ETFA: variants seen among roughly 807,000 people sequenced by gnomAD.
The protein encoded by ETFA is electron transfer flavoprotein subunit alpha, also known as electron transfer flavoprotein subunit alpha, mitochondrial.
In ETFA, 22 loss-of-function variants were observed where a neutral mutation model predicts 46.2. The ratio of observed to expected loss-of-function variants is 0.48; its 90% CI spans 0.34 to 0.68. The LOEUF is 0.68. Among genes scored for constraint, ETFA ranks in the 30% least tolerant of loss-of-function variants. ETFA has a pLI of 0.01. For synonymous variants in ETFA, 131 were observed against 139.9 expected (o/e 0.94, Z 0.45); for missense variants, 345 against 401.1 (o/e 0.86, Z 1.19).
chr15:76,310,902 A>G (rs1344423493), intron 1 of ETFA, among the ~76,000 whole-genome samples: 1 of 116,820 alleles, frequency 8.6e-6, no homozygotes, highest in South Asian at 3.1e-4. Context: ...CGATGCGCCC[A>G]AAGTGTTTAA....
intron 8 of ETFA, 30 bp from the exon 9 acceptor site, chr15:76,274,524 T>G (rs770424095): frequency 1.0e-5 from 16 of 1,555,398 alleles, no homozygotes; most frequent in Non-Finnish European, 1.4e-5. Context: ...GTCATTTTTT[T>G]CAAGCTCTAT....
chr15:76,253,380 G>A (rs2039319400), intron 9 of ETFA, among the ~76,000 whole-genome samples: 2 of 152,062 alleles, frequency 1.3e-5, no homozygotes, highest in Non-Finnish European at 2.9e-5. Flanking sequence ...ATTATTTTGT[G>A]AGGATAACCA....
intron 7 of ETFA, 119 bp downstream of exon 7, chr15:76,285,518 A>C (rs544082939): frequency 2.9e-5 from 20 of 679,732 alleles, no homozygotes; most frequent in Non-Finnish European, 4.7e-5. Flanking sequence ...TAATATCCCA[A>C]ACTTCCCAAC....
intron 9 of ETFA, among the ~76,000 whole-genome samples, chr15:76,246,128 T>C (rs139651498): frequency 1.3e-5 from 2 of 152,382 alleles, no homozygotes; most frequent in African/African-American, 4.8e-5. Context: ...GCACAGTTTT[T>C]AAGTGTTATA....
chr15:76,293,728 C>A (rs1464377128), intron 2 of ETFA, among the ~76,000 whole-genome samples: 2 of 152,194 alleles, frequency 1.3e-5, no homozygotes, highest in African/African-American at 4.8e-5. Context: ...CTTGTGCCAC[C>A]CTCATATGAA....
chr15:76,258,319 T>C (rs901845515), intron 9 of ETFA, among the ~76,000 whole-genome samples: 1 of 152,076 alleles, frequency 6.6e-6, no homozygotes, highest in African/African-American at 2.4e-5. Context: ...CTCAGCACGC[T>C]GCCTTTGGAA....
intron 11 of ETFA, among the ~76,000 whole-genome samples, chr15:76,224,117 A>AC (rs2038982536): frequency 6.6e-6 from 1 of 152,194 alleles, no homozygotes; most frequent in African/African-American, 2.4e-5. Context: ...AATAATATTT[A>AC]CCCCCTATTC....
chr15:76,290,333 CTTTT>C lies in ETFA; in HGVS notation c.351+2094_351+2097del, dbSNP rs10682432. ...AACATTATGAGCCAAAGTCGCTACT[CTTTT>C]TTTTTTTTTTTTTTTTTGAGACAGG... On this transcript the variant is annotated intron_variant, in intron 4 of 11. Transcript: ENST00000557943. 7.3e-3 allele frequency among the ~76,000 whole-genome samples: 714 copies of C among 97,146 alleles called. 6 individuals carry two copies. Among genetic ancestry groups the C allele is most frequent in the Non-Finnish European group, 0.011 (575 of 51,498 alleles). 63.7% of individuals were successfully genotyped at this position (97,146 alleles called of 152,430 possible). A position where few individuals can be genotyped will look rare whatever the true frequency, so the allele number is the denominator to read the frequency against.
At chr15:76,273,814 AAC>A (rs1311014028) in intron 9 of ETFA, among the ~76,000 whole-genome samples, 3 of 152,308 alleles carry the variant, frequency 2.0e-5, no homozygotes, top group African/African-American at 4.8e-5. Flanking sequence ...AAGAAATATA[AAC>A]AGTCATTATC....
chr15:76,302,828 A>C lies in ETFA; in HGVS notation c.40-7091T>G, dbSNP rs80112208. 5.6e-3 allele frequency among the ~76,000 whole-genome samples: 848 copies of C among 152,296 alleles called. 28 individuals are homozygous for C. Among genetic ancestry groups the C allele is most frequent in the East Asian group, 0.041 (215 of 5,188 alleles). On this transcript the variant is annotated intron_variant, in intron 1 of 11. Transcript: ENST00000557943. The stretch of plus-strand genomic sequence containing the variant: ...TTTGCTGTGAACCTAAAACTGCTCT[A>C]AAACATAAAGTCTATTTTCAAAAAA...
At chr15:76,274,146 G>A in intron 9 of ETFA, 1 of 435,558 alleles carries the variant, frequency 2.3e-6, no homozygotes, top group Non-Finnish European at 4.2e-6. Flanking sequence ...TTTTATCAAT[G>A]TTTTATTTGA....
intron 9 of ETFA, among the ~76,000 whole-genome samples, chr15:76,238,684 G>C (rs2039152081): frequency 6.6e-6 from 1 of 152,194 alleles, no homozygotes; most frequent in Non-Finnish European, 1.5e-5. Flanking sequence ...TTGGGAAGTA[G>C]ATTAACCAAA....
In ETFA at chr15:76,287,828, TCTTC is replaced by T. The variant is rs2039716961; in HGVS notation, c.451+14_451+17del. ...TAAAATTTAACATGTTGATTAATTA[TCTTC>T]CTTGAGTACTCACCTGCATAAATAG... On this transcript the variant is annotated intron_variant, in intron 5 of 11. Transcript: ENST00000557943. The T allele has an allele frequency of 2.0e-6, 3 of 1,480,984 alleles. No homozygotes were observed. The highest frequency in any genetic ancestry group is 1.9e-6 in the Non-Finnish European group (2 of 1,058,832). 91.7% of individuals were successfully genotyped at this position (1,480,984 alleles called of 1,614,324 possible). A position where few individuals can be genotyped will look rare whatever the true frequency, so the allele number is the denominator to read the frequency against.
intron 9 of ETFA, among the ~76,000 whole-genome samples, chr15:76,243,867 AATT>A (rs1394726384): frequency 2.6e-5 from 4 of 151,838 alleles, no homozygotes; most frequent in African/African-American, 7.3e-5. Flanking sequence ...CCGTTCTCAA[AATT>A]ATTATTATTA....
At chr15:76,237,178 G>C in intron 9 of ETFA, among the ~76,000 whole-genome samples, 1 of 152,120 alleles carries the variant, frequency 6.6e-6, no homozygotes, top group South Asian at 2.1e-4. Context: ...TCAGCCTCCT[G>C]AGTAGCTGGG....
intron 4 of ETFA, among the ~76,000 whole-genome samples, chr15:76,292,122 A>G (rs1226474669): frequency 1.3e-5 from 2 of 152,178 alleles, no homozygotes; most frequent in Non-Finnish European, 2.9e-5. Context: ...CTACTAATAG[A>G]AATGACTCTT....
intron 2 of ETFA, among the ~76,000 whole-genome samples, chr15:76,293,752 A>G (rs2039791486): frequency 6.6e-6 from 1 of 152,272 alleles, no homozygotes; most frequent in South Asian, 2.1e-4. Context: ...TTAGCTTGCA[A>G]CAATATTCAC....
chr15:76,302,592 T>C (rs1167579312), intron 1 of ETFA, among the ~76,000 whole-genome samples: 1 of 152,138 alleles, frequency 6.6e-6, no homozygotes, highest in Non-Finnish European at 1.5e-5. Context: ...GATATAATAA[T>C]GGTAGATACC....
intron 1 of ETFA, among the ~76,000 whole-genome samples, chr15:76,296,273 T>C (rs188441148): frequency 1.3e-5 from 2 of 152,300 alleles, no homozygotes; most frequent in African/African-American, 4.8e-5. Context: ...TAATAAAAAT[T>C]AGAACGCAAA....
Sources: allele counts gnomAD v4.1 joint callset (sites outside exome capture counted in the v4.1 genomes callset), GRCh38; gene constraint gnomAD v4.1.1; transcripts MANE v1.5; gene names NCBI Gene and HGNC (gene_info 2026-07-23, HGNC 2026-07-21).